FADS6: variants seen among roughly 807,000 people sequenced by gnomAD.
FADS6 encodes fatty acid desaturase domain family, member 6.
In FADS6, 28 loss-of-function variants were observed where a neutral mutation model predicts 31.7. The ratio of observed to expected loss-of-function variants is 0.88; its 90% CI spans 0.66 to 1.21. FADS6 has a LOEUF of 1.21. Among genes scored for constraint, FADS6 ranks in the 50% most tolerant of loss-of-function variants. FADS6 has a pLI of 0.00. For synonymous variants in FADS6, 191 were observed against 213.1 expected (o/e 0.90, Z 0.90); for missense variants, 494 against 504.2 (o/e 0.98, Z 0.19).
chr17:74,885,302 CA>C (rs1197186899), intron 2 of FADS6, among the ~76,000 whole-genome samples: 63,796 of 126,472 alleles, frequency 0.5, 14,778 homozygotes, highest in African/African-American at 0.67. Context: ...AAGAAAACCA[CA>C]AAAAAAAAAA....
chr17:74,877,524 G>A lies in FADS6; in HGVS notation c.*807C>T, dbSNP rs983793419. ...AATTTTTTGTATTTTTAGTAGAGAC[G>A]GGGTTTCACCATGTTGGCCAGGGTG... is the stretch of plus-strand genomic sequence containing the variant. On this transcript the variant is annotated 3_prime_UTR_variant, in exon 6 of 6. Transcript: ENST00000612771. The A allele has an allele frequency of 1.2e-4, 22 of 188,608 alleles. No individual in the cohort carries two copies. The highest frequency in any genetic ancestry group is 5.0e-4 in the African/African-American group (21 of 42,020). 11.7% of individuals were successfully genotyped at this position (188,608 alleles called of 1,614,324 possible).
At position 74,893,497 on chromosome 17, in the gene FADS6, C is replaced by G. The variant is rs373828368; in HGVS notation, c.99G>C (p.Pro33=). ...EPMEPTEPME[P]ARSAHRGGEA... is the part of the protein sequence containing the mutation. Reference sequence around the variant, plus strand: ...CGCCCCCACGGTGCGCGCTCCGCGCCGGTTCCATGGGCTCCGTAGGTTCCA... The same window carrying G: ...CGCCCCCACGGTGCGCGCTCCGCGCGGGTTCCATGGGCTCCGTAGGTTCCA... Residue 33 remains proline (P), a synonymous_variant, in exon 1 of 6, where the codon CCG becomes CCC. Transcript: ENST00000612771. 210 of 1,543,004 alleles carry G rather than the reference C, an allele frequency of 1.4e-4. 1 individual carries two copies. Among genetic ancestry groups the G allele is most frequent in the South Asian group, 1.3e-3 (109 of 85,382 alleles).
rs200416598 is a variant in FADS6, at chr17:74,879,509, G to C, written c.855C>G (p.Asn285Lys). ...RIHMMSLGVL[N>K]LARLPVLDWA... ...AGTCCAGCACGGGCAGCCGGGCCAG[G>C]TTAAGCACCCCCAGGCTCATCATGT... Residue 285 changes from asparagine to lysine, a missense_variant, in exon 5 of 6, where the codon AAC becomes AAG. This residue lies in a region of FADS6 where 454 missense variants were observed against 438.5 expected (regional missense o/e 1.04). Coordinates refer to ENST00000612771, the MANE Select transcript of FADS6 (RefSeq NM_178128.6). 1.9e-6 allele frequency: 3 copies of C among 1,613,756 alleles called. No homozygotes were observed. Among genetic ancestry groups the C allele is most frequent in the Non-Finnish European group, 2.5e-6 (3 of 1,179,886 alleles).
intron 4 of FADS6, among the ~76,000 whole-genome samples, chr17:74,880,676 C>T (rs1051876205): frequency 2.6e-5 from 4 of 152,236 alleles, no homozygotes; most frequent in South Asian, 2.1e-4. Context: ...AACCAAAACT[C>T]GAATGATCCT....
chr17:74,883,019 C>T (rs1378158410), intron 2 of FADS6: 5 of 524,168 alleles, frequency 9.5e-6, no homozygotes, highest in South Asian at 4.1e-5. Flanking sequence ...CAGAGTCTGT[C>T]GTGATTGGAG....
intron 1 of FADS6, 121 bp downstream of exon 1, chr17:74,893,231 G>T: frequency 2.6e-6 from 3 of 1,155,584 alleles, no homozygotes; most frequent in South Asian, 1.7e-5. Flanking sequence ...CCCTGCCGCC[G>T]CCAGTCCACT....
chr17:74,880,219 G>A (rs1046279100), intron 4 of FADS6, among the ~76,000 whole-genome samples: 4 of 152,100 alleles, frequency 2.6e-5, no homozygotes, highest in Admixed American at 6.6e-5. Flanking sequence ...CTGGCCTCCC[G>A]TGAGGAATTC....
At chr17:74,883,077 G>A (rs1379481685) in intron 2 of FADS6, among the ~76,000 whole-genome samples, 1 of 152,230 alleles carries the variant, frequency 6.6e-6, no homozygotes, top group African/African-American at 2.4e-5. Context: ...TTTTGTGTGT[G>A]TTTCTCTTAG....
Position 74,879,202 on chromosome 17 carries a change from A to G in FADS6, c.960+202T>C, listed in dbSNP as rs368784271. On this transcript the variant is annotated intron_variant, in intron 5 of 5. Transcript: ENST00000612771. ...CAAGCATGTGCCACCACACCCCGCT[A>G]ATTTTTGAATTTTTTGTAGAGATGG... 24 of 614,318 alleles carry G rather than the reference A, an allele frequency of 3.9e-5. 2 individuals are homozygous for G. Among genetic ancestry groups the G allele is most frequent in the East Asian group, 1.3e-4 (4 of 30,954 alleles). The allele number at this position is 614,318 out of a possible 1,614,324, so 38.1% of individuals were successfully genotyped here. A position where few individuals can be genotyped will look rare whatever the true frequency, so the allele number is the denominator to read the frequency against.
rs117840974 is a variant in FADS6 at position 74,889,502 on chromosome 17, A to G, written c.411+3021T>C. ...CACAGCACCCAACGCCCCAACATAT[A>G]CACAGCCCTGTTGAGCTTTGCAAAC... is the stretch of plus-strand genomic sequence containing the variant. On this transcript the variant is annotated intron_variant, in intron 2 of 5. Coordinates refer to ENST00000612771, the MANE Select transcript of FADS6 (RefSeq NM_178128.6). Among the ~76,000 whole-genome samples the G allele has an allele frequency of 6.0e-3, 911 of 151,602 alleles. 8 individuals are homozygous for G. The highest frequency in any genetic ancestry group is 0.01 in the Non-Finnish European group (701 of 67,928).
At chr17:74,885,482 G>T (rs1216655733) in intron 2 of FADS6, among the ~76,000 whole-genome samples, 1 of 152,032 alleles carries the variant, frequency 6.6e-6, no homozygotes, top group Non-Finnish European at 1.5e-5. Flanking sequence ...CTCATGCTGT[G>T]GGAGCCAGCA....
At position 74,878,040 on chromosome 17, in the gene FADS6, G is replaced by A; in HGVS notation, c.*291C>T. 8.4e-7 allele frequency: 1 copy of A among 1,184,608 alleles called. No homozygotes were observed. The highest frequency in any genetic ancestry group is 4.6e-5 in the East Asian group (1 of 21,742). The allele number at this position is 1,184,608 out of a possible 1,614,324, so 73.4% of individuals were successfully genotyped here. A position where few individuals can be genotyped will look rare whatever the true frequency, so the allele number is the denominator to read the frequency against. ...CCCTACCAAGGCTCAGATGGAGCAG[G>A]GGGAAGGACCCAGCTCTTTAGTCCT... On this transcript the variant is annotated 3_prime_UTR_variant, in exon 6 of 6. Coordinates refer to ENST00000612771, the MANE Select transcript of FADS6 (RefSeq NM_178128.6).
Position 74,878,046 on chromosome 17 carries a change from G to T in FADS6, c.*285C>A, listed in dbSNP as rs2038525046. ...CAAGGCTCAGATGGAGCAGGGGGAA[G>T]GACCCAGCTCTTTAGTCCTGAGATG... is the stretch of plus-strand genomic sequence containing the variant. On this transcript the variant is annotated 3_prime_UTR_variant, in exon 6 of 6. Transcript: ENST00000612771. 9 of 1,201,400 alleles carry T rather than the reference G, an allele frequency of 7.5e-6. No homozygotes were observed. Among genetic ancestry groups the T allele is most frequent in the Non-Finnish European group, 8.3e-6 (8 of 963,848 alleles). 74.4% of individuals were successfully genotyped at this position (1,201,400 alleles called of 1,614,324 possible).
rs749922279 is a variant in FADS6 at position 74,878,305 on chromosome 17, A to AG, written c.*25dup. ...GGCCAGGGCCAGGCCAGGGAGGGGC[A>AG]GGGTGGCTGCACCGGCCCGGCCTCA... On this transcript the variant is annotated 3_prime_UTR_variant, in exon 6 of 6. Coordinates refer to ENST00000612771, the MANE Select transcript of FADS6 (RefSeq NM_178128.6). 1.6e-5 allele frequency: 25 copies of AG among 1,602,794 alleles called. No homozygotes were observed. The highest frequency in any genetic ancestry group is 2.1e-5 in the Non-Finnish European group (25 of 1,174,596).
intron 2 of FADS6, among the ~76,000 whole-genome samples, chr17:74,886,195 C>T (rs111242628): frequency 0.016 from 2,335 of 144,536 alleles, 71 homozygotes; most frequent in African/African-American, 0.057. Context: ...GCGGAGATCC[C>T]GCCACTGCAC....
intron 2 of FADS6, among the ~76,000 whole-genome samples, chr17:74,890,004 A>C (rs2038671431): frequency 6.6e-6 from 1 of 152,132 alleles, no homozygotes; most frequent in South Asian, 2.1e-4. Context: ...GCCCTCCATT[A>C]AGGTCTGCAC....
chr17:74,891,870 A>G (rs1001575786), intron 2 of FADS6, among the ~76,000 whole-genome samples: 3 of 152,226 alleles, frequency 2.0e-5, no homozygotes, highest in East Asian at 3.9e-4. Flanking sequence ...TAGGGGAACC[A>G]TCACCTGGGT....
Position 74,878,014 on chromosome 17 carries a change from AC to A in FADS6, c.*316del. 1.8e-6 allele frequency: 2 copies of A among 1,110,050 alleles called. No individual in the cohort carries two copies. Among genetic ancestry groups the A allele is most frequent in the East Asian group, 1.2e-4 (2 of 16,232 alleles). 68.8% of individuals were successfully genotyped at this position (1,110,050 alleles called of 1,614,324 possible). A position where few individuals can be genotyped will look rare whatever the true frequency, so the allele number is the denominator to read the frequency against. ...CTCTTCACCCTGTCACCTCCCTTTAACCCTACCAAGGCTCAGATGGAGCAGG... is the reference window on the plus strand; with the variant it reads ...CTCTTCACCCTGTCACCTCCCTTTAACCTACCAAGGCTCAGATGGAGCAGG... On this transcript the variant is annotated 3_prime_UTR_variant, in exon 6 of 6. Transcript: ENST00000612771.
Position 74,878,046 on chromosome 17 carries a change from G to C in FADS6, c.*285C>G. On this transcript the variant is annotated 3_prime_UTR_variant, in exon 6 of 6. Transcript: ENST00000612771. The stretch of plus-strand genomic sequence containing the variant: ...CAAGGCTCAGATGGAGCAGGGGGAA[G>C]GACCCAGCTCTTTAGTCCTGAGATG... 11 of 1,201,400 alleles carry C rather than the reference G, an allele frequency of 9.2e-6. No homozygotes were observed. The highest frequency in any genetic ancestry group is 1.1e-5 in the Non-Finnish European group (11 of 963,848). 74.4% of individuals were successfully genotyped at this position (1,201,400 alleles called of 1,614,324 possible). A position where few individuals can be genotyped will look rare whatever the true frequency, so the allele number is the denominator to read the frequency against.
Sources: allele counts gnomAD v4.1 joint callset (sites outside exome capture counted in the v4.1 genomes callset), GRCh38; gene constraint gnomAD v4.1.1; regional missense constraint gnomAD v4.1.1; transcripts MANE v1.5; gene names NCBI Gene and HGNC (gene_info 2026-07-23, HGNC 2026-07-21).